The following EFNA5 variants were observed in gnomAD, a reference collection of about 807,000 sequenced individuals.
EFNA5 encodes ephrin-A5.
Under a neutral mutation model 22.9 loss-of-function variants are expected in EFNA5, and 5 were observed. That is an observed-to-expected ratio of 0.22 (90% CI 0.11 to 0.46). EFNA5 has a LOEUF of 0.46. Among genes scored for constraint, EFNA5 ranks in the 20% least tolerant of loss-of-function variants. The pLI is 0.99. For synonymous variants in EFNA5, 113 were observed against 112.2 expected (o/e 1.01, Z -0.04); for missense variants, 237 against 293.3 (o/e 0.81, Z 1.40).
Position 107,455,067 on chromosome 5 carries a change from C to A in EFNA5, c.126-27558G>T, listed in dbSNP as rs146956081. Among the ~76,000 whole-genome samples, 56 of 152,314 alleles carry A rather than the reference C, an allele frequency of 3.7e-4. No individual in the cohort carries two copies. The East Asian group carries it at 8.3e-3, about 23-fold the overall frequency. On this transcript the variant is annotated intron_variant, in intron 1 of 4. Coordinates refer to ENST00000333274, the MANE Select transcript of EFNA5 (RefSeq NM_001962.3). ...ACTCAACAAAATCTCAAACCCTCAA[C>A]TGGTGCCTCCAAATGTAACTGTCAG...
intron 1 of EFNA5, among the ~76,000 whole-genome samples, chr5:107,546,820 T>C (rs1748168993): frequency 6.6e-6 from 1 of 152,164 alleles, no homozygotes; most frequent in Non-Finnish European, 1.5e-5. Flanking sequence ...TATCATGGAA[T>C]TCTTTTTTGT....
intron 1 of EFNA5, among the ~76,000 whole-genome samples, chr5:107,645,917 G>C (rs71575450): frequency 6.6e-6 from 1 of 152,146 alleles, no homozygotes; most frequent in African/African-American, 2.4e-5. Flanking sequence ...TTTTGCCATC[G>C]TCAATCTATC....
chr5:107,668,284 TTGTC>T (rs1356834707), intron 1 of EFNA5, among the ~76,000 whole-genome samples: 2 of 152,186 alleles, frequency 1.3e-5, no homozygotes, highest in African/African-American at 4.8e-5. Flanking sequence ...CAGATTAACT[TTGTC>T]TGGGCAGGTT....
chr5:107,480,500 C>T (rs1034429809), intron 1 of EFNA5, among the ~76,000 whole-genome samples: 4 of 152,130 alleles, frequency 2.6e-5, no homozygotes, highest in South Asian at 2.1e-4. Context: ...AATGTTAATG[C>T]GCCAGGCTAT....
rs1747446202 is a variant in EFNA5, at chr5:107,381,194, T to G, written c.*61A>C. On this transcript the variant is annotated 3_prime_UTR_variant, in exon 5 of 5. Transcript: ENST00000333274. The stretch of plus-strand genomic sequence containing the variant: ...TCCCTTCTTAGGATGAGCAGTTAGG[T>G]GGATCTCTGGTGTTCCAAGACCCTG... The G allele has an allele frequency of 3.2e-6, 5 of 1,550,298 alleles. No individual in the cohort carries two copies. Among genetic ancestry groups the G allele is most frequent in the Non-Finnish European group, 4.4e-6 (5 of 1,136,456 alleles).
intron 1 of EFNA5, among the ~76,000 whole-genome samples, chr5:107,434,145 T>G (rs904078969): frequency 1.6e-4 from 24 of 152,210 alleles, no homozygotes; most frequent in African/African-American, 5.1e-4. Context: ...ATTTTCAAAC[T>G]TGGGTGGCTG....
At chr5:107,590,277 A>T (rs1364314278) in intron 1 of EFNA5, among the ~76,000 whole-genome samples, 1 of 152,182 alleles carries the variant, frequency 6.6e-6, no homozygotes, top group Non-Finnish European at 1.5e-5. Context: ...TACCTTCCAA[A>T]CAGCAACCTG....
intron 1 of EFNA5, among the ~76,000 whole-genome samples, chr5:107,543,876 T>A (rs1748096963): frequency 6.6e-6 from 1 of 152,188 alleles, no homozygotes; most frequent in African/African-American, 2.4e-5. Context: ...ACCGAACCTA[T>A]AAGCATCTCT....
intron 1 of EFNA5, among the ~76,000 whole-genome samples, chr5:107,541,752 G>A (rs1371310493): frequency 6.6e-6 from 1 of 152,204 alleles, no homozygotes; most frequent in Non-Finnish European, 1.5e-5. Context: ...TACTTGATAA[G>A]AGGATAGGGA....
intron 1 of EFNA5, among the ~76,000 whole-genome samples, chr5:107,493,405 G>A (rs192808935): frequency 1.6e-4 from 25 of 152,154 alleles, no homozygotes; most frequent in African/African-American, 4.6e-4. Context: ...GGTAACTGCA[G>A]TGTTTTCCAC....
intron 1 of EFNA5, among the ~76,000 whole-genome samples, chr5:107,532,670 T>A (rs1747838651): frequency 6.6e-6 from 1 of 152,198 alleles, no homozygotes; most frequent in Non-Finnish European, 1.5e-5. Flanking sequence ...GGACCGAATC[T>A]GAGTGAGGAA....
intron 2 of EFNA5, among the ~76,000 whole-genome samples, chr5:107,405,126 G>A (rs1042855740): frequency 2.0e-5 from 3 of 152,178 alleles, no homozygotes; most frequent in Admixed American, 1.3e-4. Flanking sequence ...AGAACCGGCA[G>A]CGATACTCGC....
At chr5:107,603,913 G>T (rs1358113404) in intron 1 of EFNA5, among the ~76,000 whole-genome samples, 6 of 152,192 alleles carry the variant, frequency 3.9e-5, no homozygotes, top group Non-Finnish European at 7.3e-5. Flanking sequence ...CTTTGCAAGA[G>T]ACAATGACCT....
At chr5:107,480,874 CAGA>C (rs1396501042) in intron 1 of EFNA5, among the ~76,000 whole-genome samples, 1 of 151,386 alleles carries the variant, frequency 6.6e-6, no homozygotes, top group Non-Finnish European at 1.5e-5. Context: ...TAGAAATGAG[CAGA>C]AGGAGAACTT....
At chr5:107,481,776 G>A (rs25965) in intron 1 of EFNA5, among the ~76,000 whole-genome samples, 15,444 of 151,204 alleles carry the variant, frequency 0.1, 1,247 homozygotes, top group East Asian at 0.29. Flanking sequence ...CTTGAACCCG[G>A]GAGGCAGAGG....
intron 1 of EFNA5, among the ~76,000 whole-genome samples, chr5:107,652,603 A>C (rs2112553827): frequency 6.6e-6 from 1 of 152,364 alleles, no homozygotes; most frequent in East Asian, 1.9e-4. Flanking sequence ...CAAATTTAAA[A>C]GCATGCTTAC....
chr5:107,658,420 C>T (rs1324377177), intron 1 of EFNA5, among the ~76,000 whole-genome samples: 1 of 152,082 alleles, frequency 6.6e-6, no homozygotes, highest in Admixed American at 6.6e-5. Flanking sequence ...AAATCCCTGT[C>T]CCATTACCTT....
At chr5:107,637,873 G>A (rs2112541563) in intron 1 of EFNA5, among the ~76,000 whole-genome samples, 1 of 150,026 alleles carries the variant, frequency 6.7e-6, no homozygotes, top group Admixed American at 6.7e-5. Context: ...TTTTGACGGA[G>A]TCTCACTCTG....
intron 1 of EFNA5, among the ~76,000 whole-genome samples, chr5:107,645,720 G>C (rs1330861093): frequency 2.0e-5 from 3 of 152,136 alleles, no homozygotes; most frequent in Admixed American, 2.0e-4. Context: ...AAAAGTGTTA[G>C]GCATGTTTAA....
Sources: gnomAD v4.1 joint callset for allele counts (sites outside exome capture counted in the v4.1 genomes callset) on GRCh38, gnomAD v4.1.1 for gene constraint, MANE v1.5 for transcripts, NCBI Gene and HGNC (gene_info 2026-07-23, HGNC 2026-07-21) for gene names.